CEACAM20: variants seen among roughly 807,000 people sequenced by gnomAD.
CEACAM20 encodes the protein CEA cell adhesion molecule 20.
Under a neutral mutation model 61.2 loss-of-function variants are expected in CEACAM20, and 50 were observed. That is an observed-to-expected ratio of 0.82 (90% CI 0.65 to 1.03). The LOEUF is 1.03. Among genes scored for constraint, CEACAM20 ranks in the 50% least tolerant of loss-of-function variants. The probability of loss-of-function intolerance (pLI) is 0.00; values close to 1 mark genes in which losing one functional copy is unlikely to be tolerated. For synonymous variants in CEACAM20, 282 were observed against 287.7 expected (o/e 0.98, Z 0.20); for missense variants, 683 against 736.4 (o/e 0.93, Z 0.84).
Position 44,513,090 on chromosome 19 carries a change from C to T in CEACAM20, c.1427+82G>A, listed in dbSNP as rs982854182. The T allele has an allele frequency of 1.9e-5, 25 of 1,332,714 alleles. No individual in the cohort carries two copies. The Middle Eastern group carries it at 9.1e-4, about 49-fold the overall frequency. 82.6% of individuals were successfully genotyped at this position (1,332,714 alleles called of 1,614,324 possible). A position where few individuals can be genotyped will look rare whatever the true frequency, so the allele number is the denominator to read the frequency against. Reference sequence around the variant, plus strand: ...CCCAGGTGCCAGACAAGACTCAGCACCATGGTCAGCAACACGCCCGGCAAG... The same window carrying T: ...CCCAGGTGCCAGACAAGACTCAGCATCATGGTCAGCAACACGCCCGGCAAG... On this transcript the variant is annotated intron_variant, in intron 7 of 11. Coordinates refer to ENST00000614924, the MANE Select transcript of CEACAM20 (RefSeq NM_001102597.3).
Position 44,522,694 on chromosome 19 carries a change from A to G in CEACAM20, c.691T>C (p.Leu231=). 6.2e-7 allele frequency: 1 copy of G among 1,613,822 alleles called. No homozygotes were observed. The highest frequency in any genetic ancestry group is 8.5e-7 in the Non-Finnish European group (1 of 1,179,814). The change falls in exon 4 of 12, where the codon TTG becomes CTG. Residue 231 remains leucine (L), a synonymous_variant. Transcript: ENST00000614924. ...SREHEGLYRC[L]VSNSATHLSS... is the part of the protein sequence containing the mutation. ...AGGTGGGTGGCACTGTTGGACACCA[A>G]GCACCTGTACAGGCCCTCATGTTCT...
intron 4 of CEACAM20, among the ~76,000 whole-genome samples, chr19:44,521,741 TGTGA>T (rs1031110958): frequency 5.9e-5 from 9 of 152,244 alleles, no homozygotes; most frequent in East Asian, 5.8e-4. Flanking sequence ...GTATGTTTTG[TGTGA>T]GTGTGTGTTG....
intron 1 of CEACAM20, among the ~76,000 whole-genome samples, chr19:44,528,579 G>A (rs186426754): frequency 1.3e-5 from 2 of 152,070 alleles, no homozygotes; most frequent in Admixed American, 6.6e-5. Context: ...GTCTCTGTGC[G>A]TATCTCTTCT....
In CEACAM20 at chr19:44,522,671, G is replaced by C. The variant is rs1971401013; in HGVS notation, c.714C>G (p.His238Gln). The stretch of plus-strand genomic sequence containing the variant: ...CCTTCAGAGTACCCAGGCTGGACAG[G>C]TGGGTGGCACTGTTGGACACCAAGC... ...YRCLVSNSATHLSSLGTLKVR... is the reference protein window; with the variant it reads ...YRCLVSNSATQLSSLGTLKVR... The change falls in exon 4 of 12, where the codon CAC (histidine) becomes CAG (glutamine). Residue 238 changes from histidine to glutamine, a missense_variant. Transcript: ENST00000614924. The C allele has an allele frequency of 1.9e-6, 3 of 1,613,698 alleles. No homozygotes were observed. Among genetic ancestry groups the C allele is most frequent in the Non-Finnish European group, 2.5e-6 (3 of 1,179,762 alleles).
chr19:44,511,554 T>C, intron 10 of CEACAM20, 83 bp downstream of exon 10: 1 of 1,325,786 alleles, frequency 7.5e-7, no homozygotes. Flanking sequence ...GACAAGATGA[T>C]CTCTCAGGCT....
chr19:44,506,484 G>A (rs1970822833), intron 11 of CEACAM20, among the ~76,000 whole-genome samples: 1 of 152,158 alleles, frequency 6.6e-6, no homozygotes, highest in Non-Finnish European at 1.5e-5. Context: ...TCCTCCCCTT[G>A]AGGGCAAGAC....
At chr19:44,519,057 C>T (rs757749257) in intron 5 of CEACAM20, among the ~76,000 whole-genome samples, 2 of 152,242 alleles carry the variant, frequency 1.3e-5, no homozygotes, top group South Asian at 2.1e-4. Flanking sequence ...TCAAGGCCAT[C>T]GCACACTCTC....
In CEACAM20 at chr19:44,528,523, C is replaced by T. The variant is rs143812118; in HGVS notation, c.52+935G>A. 4.0e-3 allele frequency among the ~76,000 whole-genome samples: 608 copies of T among 152,188 alleles called. 4 individuals carry two copies. Among genetic ancestry groups the T allele is most frequent in the African/African-American group, 0.014 (569 of 41,520 alleles). ...ACAGGCGTGAGCCACTGTGCCTGGGCCCCACTGGTATCATTTCTAAGGTTA... is the reference window on the plus strand; with the variant it reads ...ACAGGCGTGAGCCACTGTGCCTGGGTCCCACTGGTATCATTTCTAAGGTTA... On this transcript the variant is annotated intron_variant, in intron 1 of 11. Coordinates refer to ENST00000614924, the MANE Select transcript of CEACAM20 (RefSeq NM_001102597.3).
chr19:44,524,373 C>T (rs779666132), intron 2 of CEACAM20, 112 bp from the exon 3 acceptor site: 4 of 1,203,520 alleles, frequency 3.3e-6, no homozygotes, highest in Non-Finnish European at 4.7e-6. Flanking sequence ...TGCCAGAAGA[C>T]TCTCTGGAGT....
At chr19:44,507,967 C>T (rs1163052452) in intron 11 of CEACAM20, among the ~76,000 whole-genome samples, 2 of 152,210 alleles carry the variant, frequency 1.3e-5, no homozygotes, top group Admixed American at 6.5e-5. Context: ...CTAAAATCTA[C>T]CCTTCTTTTA....
chr19:44,528,203 TTC>T (rs143285676), intron 1 of CEACAM20, among the ~76,000 whole-genome samples: 3,476 of 151,378 alleles, frequency 0.023, 52 homozygotes, highest in Middle Eastern at 0.054. Flanking sequence ...TTTCCTTTCT[TTC>T]TCTCTCTCCC....
intron 8 of CEACAM20, 146 bp from the exon 9 acceptor site, chr19:44,512,224 G>A (rs529313272): frequency 1.9e-5 from 13 of 682,452 alleles, no homozygotes; most frequent in Non-Finnish European, 2.4e-5. Flanking sequence ...GCTTGACCAG[G>A]AATGTCCTGG....
chr19:44,528,134 C>CTCTT (rs754198728), intron 1 of CEACAM20, among the ~76,000 whole-genome samples: 2 of 145,362 alleles, frequency 1.4e-5, no homozygotes, highest in African/African-American at 2.7e-5. Context: ...CCACTGGTAT[C>CTCTT]TCTTTCTTTC....
intron 3 of CEACAM20, among the ~76,000 whole-genome samples, chr19:44,523,300 T>C (rs1163192864): frequency 6.6e-6 from 1 of 151,786 alleles, no homozygotes; most frequent in Non-Finnish European, 1.5e-5. Flanking sequence ...TCCCAGCTAC[T>C]CGGGAGGCTG....
intron 5 of CEACAM20, among the ~76,000 whole-genome samples, chr19:44,517,713 GA>G (rs1241882476): frequency 7.0e-6 from 1 of 142,250 alleles, no homozygotes; most frequent in African/African-American, 2.6e-5. Context: ...AAAAAAAAAA[GA>G]AAAAAAACTG....
At chr19:44,512,979 C>A in intron 7 of CEACAM20, 26 bp from the exon 8 acceptor site, 1 of 1,584,500 alleles carries the variant, frequency 6.3e-7, no homozygotes, top group Non-Finnish European at 8.6e-7. Flanking sequence ...CCTCATTATT[C>A]TGTGCCTCTA....
chr19:44,513,231 C>T lies in CEACAM20; in HGVS notation c.1368G>A (p.Leu456=). The T allele has an allele frequency of 6.2e-7, 1 of 1,613,798 alleles. No individual in the cohort carries two copies. Among genetic ancestry groups the T allele is most frequent in the Non-Finnish European group, 8.5e-7 (1 of 1,179,848 alleles). ...GAIAGIVIGI[L]AVIAVASELG... is the part of the protein sequence containing the mutation. ...GTTCTGAGGCCACAGCAATGACAGCCAGGATCCCGATGACAATACCAGCGA... is the reference window on the plus strand; with the variant it reads ...GTTCTGAGGCCACAGCAATGACAGCTAGGATCCCGATGACAATACCAGCGA... Residue 456 remains leucine, a synonymous_variant, in exon 7 of 12, where the codon CTG becomes CTA. Transcript: ENST00000614924.
intron 1 of CEACAM20, among the ~76,000 whole-genome samples, chr19:44,529,176 GCTGGTC>G (rs1189971787): frequency 1.3e-5 from 2 of 151,658 alleles, no homozygotes; most frequent in Non-Finnish European, 2.9e-5. Context: ...TGCTGGCCAG[GCTGGTC>G]TCAAACTCCT....
rs1465489726 is a variant in CEACAM20 at position 44,516,983 on chromosome 19, G to A, written c.1272C>T (p.Gly424=). 6.3e-7 allele frequency: 1 copy of A among 1,599,106 alleles called. No homozygotes were observed. Residue 424 remains glycine, a synonymous_variant, in exon 6 of 12, where the codon GGC becomes GGT. Coordinates refer to ENST00000614924, the MANE Select transcript of CEACAM20 (RefSeq NM_001102597.3). ...YNCTASNSLT[G]LARSTSVLVK... ...CCAGGACTGAAGTGGAGCGGGCCAG[G>A]CCAGTGAGAGAGTTGGAGGCTGTGC...
Sources: gnomAD v4.1 joint callset for allele counts (sites outside exome capture counted in the v4.1 genomes callset) on GRCh38, gnomAD v4.1.1 for gene constraint, MANE v1.5 for transcripts, NCBI Gene and HGNC (gene_info 2026-07-23, HGNC 2026-07-21) for gene names.